Variants in DENND5B observed in about 807,000 individuals in gnomAD.
DENND5B encodes DENN domain-containing protein 5B.
Under a neutral mutation model 140.6 loss-of-function variants are expected in DENND5B, and 34 were observed. The ratio of observed to expected loss-of-function variants is 0.24; its 90% CI spans 0.18 to 0.32. The LOEUF (loss-of-function observed/expected upper bound fraction) is 0.32. Among genes scored for constraint, DENND5B ranks in the 10% least tolerant of loss-of-function variants. The pLI, the probability that DENND5B is intolerant of heterozygous loss-of-function variation, is 1.00. For missense variants in DENND5B, 1,142 were observed against 1,560.2 expected (o/e 0.73, Z 4.52); for synonymous variants, 551 against 562.1 (o/e 0.98, Z 0.28).
At chr12:31,549,910 T>C (rs10771849) in intron 1 of DENND5B, among the ~76,000 whole-genome samples, 27,765 of 151,996 alleles carry the variant, frequency 0.18, 3,491 homozygotes, top group Admixed American at 0.39. Context: ...CAGATAGTGC[T>C]TCAATGAACA....
rs180799563 is a variant in DENND5B at position 31,544,685 on chromosome 12, T to G, written c.127+46021A>C. 3.3e-3 allele frequency among the ~76,000 whole-genome samples: 500 copies of G among 152,222 alleles called. 4 individuals carry two copies. Among genetic ancestry groups the G allele is most frequent in the Middle Eastern group, 0.014 (4 of 294 alleles). Reference sequence around the variant, plus strand: ...AACTACAAAAAAAATTTAAATCTCCTGTGCATCAAAAGGAACACCACCAAA... The same window carrying G: ...AACTACAAAAAAAATTTAAATCTCCGGTGCATCAAAAGGAACACCACCAAA... On this transcript the variant is annotated intron_variant, in intron 1 of 20. Coordinates refer to ENST00000389082, the MANE Select transcript of DENND5B (RefSeq NM_144973.4).
chr12:31,413,623 GAAGTA>G, intron 12 of DENND5B, 59 bp from the exon 13 acceptor site: 2 of 1,562,104 alleles, frequency 1.3e-6, no homozygotes, highest in East Asian at 2.3e-5. Flanking sequence ...GACTAGAAAA[GAAGTA>G]AAGAGTGAAC....
intron 1 of DENND5B, among the ~76,000 whole-genome samples, chr12:31,513,785 T>C (rs1053149526): frequency 6.6e-6 from 1 of 151,964 alleles, no homozygotes; most frequent in African/African-American, 2.4e-5. Flanking sequence ...TGGAAAATGG[T>C]ATTAGAAATG....
At chr12:31,424,765 ACTTGGTTTCC>A (rs1943162457) in intron 9 of DENND5B, 78 bp from the exon 10 acceptor site, 1 of 1,543,082 alleles carries the variant, frequency 6.5e-7, no homozygotes, top group African/African-American at 1.4e-5. Context: ...AAAGTAGGAG[ACTTGGTTTCC>A]CTTCATTATA....
intron 16 of DENND5B, among the ~76,000 whole-genome samples, chr12:31,398,885 G>C (rs1266820940): frequency 6.6e-6 from 1 of 151,978 alleles, no homozygotes; most frequent in East Asian, 1.9e-4. Context: ...ACTTTGGGAG[G>C]CCAAGGTGGG....
rs1940832559 is a variant in DENND5B at position 31,385,893 on chromosome 12, G to A, written c.*1710C>T. The A allele has an allele frequency of 1.3e-5, 2 of 152,308 alleles. No homozygotes were observed. Among genetic ancestry groups the A allele is most frequent in the Admixed American group, 6.6e-5 (1 of 15,264 alleles). 9.4% of individuals were successfully genotyped at this position (152,308 alleles called of 1,614,324 possible). A position where few individuals can be genotyped will look rare whatever the true frequency, so the allele number is the denominator to read the frequency against. Reference sequence around the variant, plus strand: ...GGGTTTCACGGTGTTAGCCAGGAGGGTCTCAATCTCCTGACCTTGTGATCC... The same window carrying A: ...GGGTTTCACGGTGTTAGCCAGGAGGATCTCAATCTCCTGACCTTGTGATCC... On this transcript the variant is annotated 3_prime_UTR_variant, in exon 21 of 21. Transcript: ENST00000389082.
chr12:31,511,906 A>T, intron 1 of DENND5B, among the ~76,000 whole-genome samples: 1 of 140,518 alleles, frequency 7.1e-6, no homozygotes, highest in Non-Finnish European at 1.5e-5. Flanking sequence ...AAATAAAAAC[A>T]TCCCCTCCAC....
At chr12:31,556,864 T>C (rs1230234390) in intron 1 of DENND5B, among the ~76,000 whole-genome samples, 1 of 152,102 alleles carries the variant, frequency 6.6e-6, no homozygotes, top group African/African-American at 2.4e-5. Flanking sequence ...TATGCATGCC[T>C]CTTGACCCAG....
In DENND5B at chr12:31,384,911, C is replaced by A. The variant is rs1469095404; in HGVS notation, c.*2692G>T. The A allele has an allele frequency of 3.4e-5, 5 of 148,422 alleles. No individual in the cohort carries two copies. Among genetic ancestry groups the A allele is most frequent in the Non-Finnish European group, 7.6e-5 (5 of 66,158 alleles). The allele number at this position is 148,422 out of a possible 1,614,324, so 9.2% of individuals were successfully genotyped here. On this transcript the variant is annotated 3_prime_UTR_variant, in exon 21 of 21. Transcript: ENST00000389082. ...CCTCCTGAGTAGCTGGAATTACAGG[C>A]CCTGCCACCACCCCCCCGCTAATTT...
chr12:31,445,121 G>T (rs1431986771), intron 6 of DENND5B, among the ~76,000 whole-genome samples: 2 of 152,190 alleles, frequency 1.3e-5, no homozygotes, highest in Non-Finnish European at 2.9e-5. Context: ...TGAAGGGAAA[G>T]AAATAAAAGG....
intron 1 of DENND5B, among the ~76,000 whole-genome samples, chr12:31,568,120 CT>C (rs1169173105): frequency 6.6e-6 from 1 of 152,156 alleles, no homozygotes; most frequent in Non-Finnish European, 1.5e-5. Context: ...AATTTTTTGA[CT>C]GCTAATGACA....
chr12:31,426,467 T>C, intron 8 of DENND5B, 43 bp from the exon 9 acceptor site: 1 of 1,579,204 alleles, frequency 6.3e-7, no homozygotes, highest in South Asian at 1.2e-5. Flanking sequence ...ACATTAGCTA[T>C]TCTTCTAATC....
intron 4 of DENND5B, among the ~76,000 whole-genome samples, chr12:31,453,266 A>G (rs1944621058): frequency 6.6e-6 from 1 of 152,040 alleles, no homozygotes; most frequent in African/African-American, 2.4e-5. Context: ...AAGAGTTCAC[A>G]CAAGATATTT....
intron 1 of DENND5B, among the ~76,000 whole-genome samples, chr12:31,553,051 T>C (rs1949133277): frequency 1.3e-5 from 2 of 152,190 alleles, no homozygotes; most frequent in Admixed American, 1.3e-4. Context: ...GTTTTTTTGG[T>C]CTCTATTTCC....
In DENND5B at chr12:31,447,522, G is replaced by C. The variant is rs760532838; in HGVS notation, c.1861+16C>G. ...TAATGGATTTTAATTTAATTTAAAA[G>C]GCATGGCAAATGTACCTGCTTCTTT... On this transcript the variant is annotated intron_variant, in intron 6 of 20. Coordinates refer to ENST00000389082, the MANE Select transcript of DENND5B (RefSeq NM_144973.4). 6.3e-7 allele frequency: 1 copy of C among 1,585,432 alleles called. No homozygotes were observed. Among genetic ancestry groups the C allele is most frequent in the Non-Finnish European group, 8.6e-7 (1 of 1,163,190 alleles).
At chr12:31,564,071 T>A (rs1251414018) in intron 1 of DENND5B, among the ~76,000 whole-genome samples, 1 of 152,078 alleles carries the variant, frequency 6.6e-6, no homozygotes, top group Non-Finnish European at 1.5e-5. Context: ...TGAGCCAGAA[T>A]CACACCACTG....
chr12:31,462,840 T>C (rs1565603878), intron 3 of DENND5B, among the ~76,000 whole-genome samples: 1 of 152,050 alleles, frequency 6.6e-6, no homozygotes, highest in African/African-American at 2.4e-5. Flanking sequence ...GCACCTGTAA[T>C]CCCAGTTACT....
chr12:31,524,105 G>A (rs1306281196), intron 1 of DENND5B, among the ~76,000 whole-genome samples: 1 of 146,776 alleles, frequency 6.8e-6, no homozygotes, highest in Non-Finnish European at 1.5e-5. Flanking sequence ...TCCAAGTGGT[G>A]ACGAATCAAT....
intron 8 of DENND5B, among the ~76,000 whole-genome samples, chr12:31,429,306 G>A (rs538409400): frequency 2.0e-5 from 3 of 152,234 alleles, no homozygotes; most frequent in East Asian, 3.9e-4. Context: ...CCTGCCCAGC[G>A]AGTTTATTTG....
Sources: allele counts gnomAD v4.1 joint callset (sites outside exome capture counted in the v4.1 genomes callset), GRCh38; gene constraint gnomAD v4.1.1; transcripts MANE v1.5; gene names NCBI Gene and HGNC (gene_info 2026-07-23, HGNC 2026-07-21).